COQ2: variants seen among roughly 807,000 people sequenced by gnomAD.
COQ2 encodes the protein 4-hydroxybenzoate polyprenyltransferase, mitochondrial.
Under a neutral mutation model 35.7 loss-of-function variants are expected in COQ2, and 25 were observed. That is an observed-to-expected ratio of 0.70 (90% confidence interval 0.51 to 0.98). COQ2 has a LOEUF of 0.98. COQ2 is among the 50% of genes least tolerant of loss of function. The pLI is 0.00. For missense variants in COQ2, 488 were observed against 473.5 expected (o/e 1.03, Z -0.28); for synonymous variants, 206 against 186.2 (o/e 1.11, Z -0.86).
intron 1 of COQ2, chr4:83,284,176 T>C: frequency 1.0e-6 from 1 of 985,446 alleles, no homozygotes; most frequent in Non-Finnish European, 1.2e-6. Context: ...TAAACAAGTG[T>C]TTGTGGAATG....
At chr4:83,278,847 T>C in intron 2 of COQ2, 101 bp downstream of exon 2, 1 of 1,264,042 alleles carries the variant, frequency 7.9e-7, no homozygotes. Context: ...CTGTGGTCAC[T>C]GAATGATCTT....
At chr4:83,275,654 C>T (rs1735149012) in intron 2 of COQ2, among the ~76,000 whole-genome samples, 1 of 152,110 alleles carries the variant, frequency 6.6e-6, no homozygotes. Context: ...AGGGAAAATA[C>T]ATCTATTCCA....
In COQ2 at chr4:83,276,053, A is replaced by T. The variant is rs368411103; in HGVS notation, c.421-2436T>A. 3.5e-3 allele frequency among the ~76,000 whole-genome samples: 51 copies of T among 14,740 alleles called. No individual in the cohort carries two copies. In the East Asian group the frequency reaches 0.14, roughly 40 times the overall value. The allele number at this position is 14,740 out of a possible 152,430, so 9.7% of individuals were successfully genotyped here. A position where few individuals can be genotyped will look rare whatever the true frequency, so the allele number is the denominator to read the frequency against. On this transcript the variant is annotated intron_variant, in intron 2 of 6. Transcript: ENST00000647002. ...TTATATAATATATAAAATATATATTATATATAATATATATTTTATATATAA... is the reference window on the plus strand; with the variant it reads ...TTATATAATATATAAAATATATATTTTATATAATATATATTTTATATATAA...
chr4:83,269,866 G>A lies in COQ2; in HGVS notation c.756C>T (p.Ala252=). Residue 252 remains alanine (A), a synonymous_variant, in exon 5 of 7, where the codon GCC becomes GCT. Coordinates refer to ENST00000647002, the MANE Select transcript of COQ2 (RefSeq NM_001358921.2). ...MWTLIYDTIY[A]HQDKRDDVLI... is the part of the protein sequence containing the mutation. Reference sequence around the variant, plus strand: ...GAAAAGATAATTTCTTTACCTGATGGGCATAAATAGTATCATATATTAGTG... The same window carrying A: ...GAAAAGATAATTTCTTTACCTGATGAGCATAAATAGTATCATATATTAGTG... 9 of 1,583,144 alleles carry A rather than the reference G, an allele frequency of 5.7e-6. No individual in the cohort carries two copies. The highest frequency in any genetic ancestry group is 7.7e-6 in the Non-Finnish European group (9 of 1,165,624).
intron 1 of COQ2, chr4:83,283,808 A>T (rs761752221): frequency 7.1e-6 from 7 of 985,354 alleles, no homozygotes; most frequent in Admixed American, 6.1e-5. Context: ...TATTAAGAAA[A>T]ATTGCGGATA....
In COQ2 at chr4:83,266,440, C is replaced by G. The variant is rs1280788903; in HGVS notation, c.951+1146G>C. Among the ~76,000 whole-genome samples, 5 of 151,716 alleles carry G rather than the reference C, an allele frequency of 3.3e-5. No homozygotes were observed. The South Asian group carries it at 8.3e-4, about 25-fold the overall frequency. On this transcript the variant is annotated intron_variant, in intron 6 of 6. Coordinates refer to ENST00000647002, the MANE Select transcript of COQ2 (RefSeq NM_001358921.2). ...TGGTGTGATCTTGGCTCACTGGAAC[C>G]TCTACCTCCTGGGTTCAAGCGATTC...
intron 1 of COQ2, 48 bp downstream of exon 1, chr4:83,284,464 G>A (rs1256186913): frequency 3.9e-6 from 6 of 1,520,244 alleles, no homozygotes; most frequent in South Asian, 3.7e-5. Flanking sequence ...AGCCGACTCG[G>A]AGGCTGCTAC....
In COQ2 at chr4:83,284,774, G is replaced by T; in HGVS notation, c.-10C>A. The T allele has an allele frequency of 6.4e-7, 1 of 1,559,468 alleles. No individual in the cohort carries two copies. The highest frequency in any genetic ancestry group is 2.4e-5 in the East Asian group (1 of 41,470). On this transcript the variant is annotated 5_prime_UTR_variant, in exon 1 of 7. Coordinates refer to ENST00000647002, the MANE Select transcript of COQ2 (RefSeq NM_001358921.2). ...CTCGCGAGCCCAGCATGGCGCTGGT[G>T]AGGCCGGGACGAGCTCGGATTGACG...
chr4:83,284,218 A>C (rs573807105), intron 1 of COQ2: 19 of 985,488 alleles, frequency 1.9e-5, no homozygotes, highest in African/African-American at 8.7e-5. Context: ...GGTGCTCAGG[A>C]TGCAGACAGA....
At chr4:83,277,302 T>A (rs766379506) in intron 2 of COQ2, among the ~76,000 whole-genome samples, 6 of 152,140 alleles carry the variant, frequency 3.9e-5, no homozygotes, top group Non-Finnish European at 7.4e-5. Context: ...CTACACCCCA[T>A]ATCCTCCAGC....
chr4:83,272,450 T>C (rs960096303), intron 3 of COQ2, among the ~76,000 whole-genome samples: 19 of 152,238 alleles, frequency 1.2e-4, no homozygotes, highest in African/African-American at 3.9e-4. Context: ...CACTTGTTAA[T>C]TCATTATAAT....
intron 2 of COQ2, among the ~76,000 whole-genome samples, chr4:83,276,716 C>A (rs916886700): frequency 3.3e-5 from 5 of 152,172 alleles, no homozygotes; most frequent in African/African-American, 1.2e-4. Flanking sequence ...GAAAAGAAAT[C>A]ATTTTGCCAA....
intron 2 of COQ2, among the ~76,000 whole-genome samples, chr4:83,275,692 A>G (rs1735149777): frequency 6.6e-6 from 1 of 152,064 alleles, no homozygotes; most frequent in East Asian, 1.9e-4. Context: ...GTCAAAATCT[A>G]TGTAATTAGT....
intron 2 of COQ2, among the ~76,000 whole-genome samples, chr4:83,276,041 A>ATT (rs1560494707): frequency 1.1e-4 from 16 of 140,014 alleles, no homozygotes; most frequent in African/African-American, 4.0e-4. Context: ...TATAATATAT[A>ATT]AAATATATAT....
At chr4:83,278,908 T>C (rs767419494) in intron 2 of COQ2, 40 bp downstream of exon 2, 4 of 1,518,806 alleles carry the variant, frequency 2.6e-6, no homozygotes, top group Non-Finnish European at 3.5e-6. Flanking sequence ...TTCTGCAGAA[T>C]TGAGAAGAGC....
At chr4:83,279,892 ACT>A (rs143465415) in intron 1 of COQ2, among the ~76,000 whole-genome samples, 3,275 of 126,088 alleles carry the variant, frequency 0.026, 132 homozygotes, top group African/African-American at 0.09. Context: ...ACAGCATCTC[ACT>A]CTGTCACCCA....
At chr4:83,272,380 C>G (rs1735070928) in intron 3 of COQ2, among the ~76,000 whole-genome samples, 1 of 152,110 alleles carries the variant, frequency 6.6e-6, no homozygotes, top group Non-Finnish European at 1.5e-5. Context: ...AACAATCAAA[C>G]AAAATAATAG....
chr4:83,285,004 T>G (rs114115873), upstream of COQ2: 1 of 922,566 alleles, frequency 1.1e-6, no homozygotes, highest in East Asian at 3.2e-5. Context: ...TTAGTTGTAA[T>G]TTTTTACAAC....
At chr4:83,273,964 G>A (rs1460014760) in intron 2 of COQ2, among the ~76,000 whole-genome samples, 1 of 138,886 alleles carries the variant, frequency 7.2e-6, no homozygotes, top group African/African-American at 2.8e-5. Context: ...GGCAACATAA[G>A]GAGGCGCTGT....
Sources: gnomAD v4.1 joint callset for allele counts (sites outside exome capture counted in the v4.1 genomes callset) on GRCh38, gnomAD v4.1.1 for gene constraint, MANE v1.5 for transcripts, NCBI Gene and HGNC (gene_info 2026-07-23, HGNC 2026-07-21) for gene names.